Variants in IL19 observed in about 807,000 individuals in gnomAD.
The protein encoded by IL19 is interleukin 19.
Under a neutral mutation model 19.5 loss-of-function variants are expected in IL19, and 15 were observed. The observed-to-expected ratio is 0.77, with a 90% CI of 0.52 to 1.19. The LOEUF (loss-of-function observed/expected upper bound fraction) is 1.19, where lower values mean the gene tolerates loss of function less well. IL19 is among the 50% of genes most tolerant of loss of function. The pLI is 0.00. For missense variants in IL19, 199 were observed against 213.1 expected, an observed-to-expected ratio of 0.93 and a Z score of 0.41; for synonymous variants, 78 against 78.3, an observed-to-expected ratio of 1.00 and a Z score of 0.02.
chr1:206,842,623 T>C lies in IL19; in HGVS notation c.*1T>C, dbSNP rs1426467755. 2.0e-6 allele frequency: 3 copies of C among 1,520,580 alleles called. No individual in the cohort carries two copies. Among genetic ancestry groups the C allele is most frequent in the East Asian group, 4.7e-5 (2 of 42,658 alleles). The allele number at this position is 1,520,580 out of a possible 1,614,324, so 94.2% of individuals were successfully genotyped here. A position where few individuals can be genotyped will look rare whatever the true frequency, so the allele number is the denominator to read the frequency against. On this transcript the variant is annotated 3_prime_UTR_variant, in exon 7 of 7. Coordinates refer to ENST00000659997, the MANE Select transcript of IL19 (RefSeq NM_153758.5). ...TCATGAAGTAATGTTCTCAGCTTGA[T>C]GACAAGGAACCTGTATAGTGATCCA...
At chr1:206,814,604 G>T (rs1161472326) in intron 2 of IL19, among the ~76,000 whole-genome samples, 1 of 151,446 alleles carries the variant, frequency 6.6e-6, no homozygotes, top group Non-Finnish European at 1.5e-5. Context: ...TGAGGCATGA[G>T]AATCACTTGA....
intron 2 of IL19, among the ~76,000 whole-genome samples, chr1:206,830,358 T>TA (rs1302553312): frequency 2.0e-5 from 3 of 151,762 alleles, no homozygotes; most frequent in Non-Finnish European, 4.4e-5. Context: ...AGAGAAAAGA[T>TA]AAAAAAACAA....
chr1:206,795,923 ATATATG>A (rs1376335113), intron 1 of IL19, among the ~76,000 whole-genome samples: 3 of 109,080 alleles, frequency 2.8e-5, no homozygotes, highest in African/African-American at 1.1e-4. Flanking sequence ...ATATAAATAT[ATATATG>A]TGTGTGTGTG....
intron 2 of IL19, among the ~76,000 whole-genome samples, chr1:206,830,485 A>C (rs955104432): frequency 2.0e-5 from 3 of 151,818 alleles, no homozygotes; most frequent in Admixed American, 6.6e-5. Context: ...TATGATCTAG[A>C]TATATTTACC....
chr1:206,811,545 A>G (rs1676012548), intron 2 of IL19, among the ~76,000 whole-genome samples: 2 of 151,856 alleles, frequency 1.3e-5, no homozygotes, highest in Admixed American at 1.3e-4. Flanking sequence ...CTCTTGATTG[A>G]AGGTGGACAA....
At chr1:206,806,698 T>C (rs1225194245) in intron 2 of IL19, among the ~76,000 whole-genome samples, 2 of 152,200 alleles carry the variant, frequency 1.3e-5, no homozygotes, top group Non-Finnish European at 2.9e-5. Flanking sequence ...TCATTCTACC[T>C]CTGAAATATA....
chr1:206,819,868 G>A (rs1273397609), intron 2 of IL19, among the ~76,000 whole-genome samples: 4 of 152,188 alleles, frequency 2.6e-5, no homozygotes, highest in African/African-American at 9.7e-5. Flanking sequence ...AAGACTAAGA[G>A]AAGCTTGAAT....
chr1:206,842,078 C>T (rs1228027575), intron 6 of IL19, among the ~76,000 whole-genome samples: 1 of 152,164 alleles, frequency 6.6e-6, no homozygotes, highest in East Asian at 1.9e-4. Flanking sequence ...AGGACACTTG[C>T]TCTAGGGGCT....
chr1:206,785,322 A>G (rs1675243581), intron 1 of IL19, among the ~76,000 whole-genome samples: 2 of 152,234 alleles, frequency 1.3e-5, no homozygotes. Context: ...TTTTCTATGG[A>G]CTTGAGTGGC....
At chr1:206,780,137 G>A (rs1675097163) in intron 1 of IL19, among the ~76,000 whole-genome samples, 1 of 152,136 alleles carries the variant, frequency 6.6e-6, no homozygotes, top group Admixed American at 6.6e-5. Context: ...GGCCCCCTGG[G>A]TGTATCTTCT....
chr1:206,821,445 CTG>C (rs1244603026), intron 2 of IL19, among the ~76,000 whole-genome samples: 11 of 152,224 alleles, frequency 7.2e-5, no homozygotes, highest in Non-Finnish European at 1.2e-4. Context: ...AGGTGTAGAG[CTG>C]TCTTTGCCAA....
intron 2 of IL19, among the ~76,000 whole-genome samples, chr1:206,834,890 C>T (rs749082030): frequency 1.2e-4 from 18 of 152,182 alleles, no homozygotes; most frequent in African/African-American, 1.9e-4. Context: ...GGGACTGGCC[C>T]GCCTTCTCTC....
At chr1:206,797,467 A>G (rs1450107015) in intron 1 of IL19, among the ~76,000 whole-genome samples, 1 of 151,916 alleles carries the variant, frequency 6.6e-6, no homozygotes, top group East Asian at 1.9e-4. Flanking sequence ...AAATGTCTCC[A>G]TTTCTGCTAC....
chr1:206,821,940 C>T (rs1446505688), intron 2 of IL19, among the ~76,000 whole-genome samples: 1 of 152,198 alleles, frequency 6.6e-6, no homozygotes, highest in Admixed American at 6.5e-5. Flanking sequence ...TTCCCACAGG[C>T]CTTGTTCTTG....
intron 2 of IL19, among the ~76,000 whole-genome samples, chr1:206,831,008 C>T (rs1308578779): frequency 6.6e-6 from 1 of 152,152 alleles, no homozygotes; most frequent in Admixed American, 6.5e-5. Flanking sequence ...CTAAATCCTG[C>T]AATGGGCCAC....
intron 2 of IL19, among the ~76,000 whole-genome samples, chr1:206,819,468 T>C (rs979346786): frequency 4.0e-5 from 6 of 151,548 alleles, no homozygotes; most frequent in Admixed American, 1.3e-4. Context: ...CCTGTAGTTC[T>C]AGCTACTCGG....
Position 206,796,031 on chromosome 1 carries a change from C to T in IL19, c.-148-2830C>T, listed in dbSNP as rs143969935. Among the ~76,000 whole-genome samples the T allele has an allele frequency of 2.4e-3, 360 of 151,720 alleles. 2 individuals are homozygous for T. Among genetic ancestry groups the T allele is most frequent in the African/African-American group, 8.3e-3 (343 of 41,276 alleles). On this transcript the variant is annotated intron_variant, in intron 1 of 6. Coordinates refer to ENST00000659997, the MANE Select transcript of IL19 (RefSeq NM_153758.5). The stretch of plus-strand genomic sequence containing the variant: ...GCTGAGAAGCCCCATGATCACCTGT[C>T]TGCAGCTGGAGACCCAGGAAAGCCG...
chr1:206,780,696 C>G (rs1163978060), intron 1 of IL19, among the ~76,000 whole-genome samples: 1 of 152,172 alleles, frequency 6.6e-6, no homozygotes, highest in Non-Finnish European at 1.5e-5. Flanking sequence ...AAGACTTTCC[C>G]AGGTCCTAGA....
At chr1:206,796,979 A>G (rs1323229460) in intron 1 of IL19, among the ~76,000 whole-genome samples, 2 of 152,126 alleles carry the variant, frequency 1.3e-5, no homozygotes, top group African/African-American at 4.8e-5. Flanking sequence ...AGTAAATGGG[A>G]AGTATTGCTC....
Sources: allele counts gnomAD v4.1 joint callset (sites outside exome capture counted in the v4.1 genomes callset), GRCh38; gene constraint gnomAD v4.1.1; transcripts MANE v1.5; gene names NCBI Gene and HGNC (gene_info 2026-07-23, HGNC 2026-07-21).